PHLPP1: variants seen among roughly 807,000 people sequenced by gnomAD.
The protein encoded by PHLPP1 is PH domain leucine-rich repeat-containing protein phosphatase 1.
PHLPP1 carries 42 observed loss-of-function variants against 117.2 expected under a neutral mutation model. The observed-to-expected ratio is 0.36, with a 90% CI of 0.28 to 0.46. The LOEUF (loss-of-function observed/expected upper bound fraction) is 0.46. PHLPP1 is among the 20% of genes least tolerant of loss of function. The probability of loss-of-function intolerance (pLI) is 1.00; values close to 1 mark genes in which losing one functional copy is unlikely to be tolerated. For missense variants in PHLPP1, 2,084 were observed against 2,241.9 expected (o/e 0.93, Z 1.42); for synonymous variants, 1,042 against 970.7 (o/e 1.07, Z -1.37).
intron 1 of PHLPP1, among the ~76,000 whole-genome samples, chr18:62,822,771 A>G (rs1336141777): frequency 6.6e-6 from 1 of 152,210 alleles, no homozygotes. Context: ...GGTTTCACAA[A>G]TAATTTTAAA....
At chr18:62,782,375 T>C (rs538123332) in intron 1 of PHLPP1, among the ~76,000 whole-genome samples, 4 of 152,202 alleles carry the variant, frequency 2.6e-5, no homozygotes, top group Admixed American at 2.6e-4. Context: ...TGTAATAGTT[T>C]AACTCAATTG....
intron 1 of PHLPP1, among the ~76,000 whole-genome samples, chr18:62,790,240 C>A (rs1291697529): frequency 6.6e-6 from 1 of 152,132 alleles, no homozygotes; most frequent in Non-Finnish European, 1.5e-5. Flanking sequence ...GAAAAAAGAC[C>A]TCTAAGCAGC....
At chr18:62,931,666 A>C (rs1400592813) in intron 10 of PHLPP1, among the ~76,000 whole-genome samples, 1 of 151,758 alleles carries the variant, frequency 6.6e-6, no homozygotes, top group East Asian at 1.9e-4. Flanking sequence ...AGGCTGAGGC[A>C]GGTGGATCAT....
intron 1 of PHLPP1, among the ~76,000 whole-genome samples, chr18:62,785,049 T>C (rs994387837): frequency 2.0e-5 from 3 of 152,200 alleles, no homozygotes; most frequent in Admixed American, 1.3e-4. Flanking sequence ...TTGGTATGTT[T>C]TTCTGTTTGA....
intron 1 of PHLPP1, among the ~76,000 whole-genome samples, chr18:62,788,125 T>C (rs1188631775): frequency 6.6e-6 from 1 of 152,228 alleles, no homozygotes; most frequent in African/African-American, 2.4e-5. Flanking sequence ...TGTTTGAAGC[T>C]GTGGTCTCCT....
chr18:62,958,870 G>A (rs900922371), intron 13 of PHLPP1, 111 bp downstream of exon 13: 1 of 1,207,404 alleles, frequency 8.3e-7, no homozygotes, highest in Non-Finnish European at 1.2e-6. Flanking sequence ...TGTTAGCTGT[G>A]TTAACACACA....
intron 4 of PHLPP1, among the ~76,000 whole-genome samples, chr18:62,865,907 G>A (rs1214747569): frequency 1.3e-5 from 2 of 152,102 alleles, no homozygotes; most frequent in African/African-American, 4.8e-5. Flanking sequence ...AAGAAGGAGA[G>A]GATTAGGAAA....
At chr18:62,778,859 T>TTTGAGTCATTC (rs1257279776) in intron 1 of PHLPP1, among the ~76,000 whole-genome samples, 4 of 152,234 alleles carry the variant, frequency 2.6e-5, no homozygotes, top group Non-Finnish European at 5.9e-5. Flanking sequence ...CTTTAGCATA[T>TTTGAGTCATTC]TTGCTCATAT....
intron 1 of PHLPP1, among the ~76,000 whole-genome samples, chr18:62,749,151 T>G (rs538704698): frequency 1.1e-4 from 17 of 152,232 alleles, no homozygotes; most frequent in South Asian, 6.2e-4. Flanking sequence ...CCTGAAATTT[T>G]ACATAATTAT....
chr18:62,768,991 A>G (rs1196275885), intron 1 of PHLPP1, among the ~76,000 whole-genome samples: 1 of 152,220 alleles, frequency 6.6e-6, no homozygotes, highest in African/African-American at 2.4e-5. Context: ...CTCATTGATC[A>G]TCAAGGTTGA....
At chr18:62,791,197 T>A (rs1201238820) in intron 1 of PHLPP1, among the ~76,000 whole-genome samples, 1 of 152,110 alleles carries the variant, frequency 6.6e-6, no homozygotes, top group Non-Finnish European at 1.5e-5. Flanking sequence ...GTGGGATGAT[T>A]GGATTTTCTT....
intron 13 of PHLPP1, 46 bp from the exon 14 acceptor site, chr18:62,963,322 C>A: frequency 7.7e-7 from 1 of 1,297,102 alleles, no homozygotes; most frequent in African/African-American, 1.5e-5. Context: ...AATTTGCACA[C>A]ATTTGGTTTT....
intron 1 of PHLPP1, among the ~76,000 whole-genome samples, chr18:62,773,944 C>T (rs1912874056): frequency 6.6e-6 from 1 of 152,162 alleles, no homozygotes; most frequent in African/African-American, 2.4e-5. Flanking sequence ...CAAGGCAGCT[C>T]TCTGGGGCTG....
intron 1 of PHLPP1, among the ~76,000 whole-genome samples, chr18:62,794,741 C>T (rs1913574378): frequency 6.6e-6 from 1 of 152,080 alleles, no homozygotes. Context: ...ACAAATGACT[C>T]AGTTTGTATT....
At chr18:62,842,711 A>G (rs764165671) in intron 3 of PHLPP1, among the ~76,000 whole-genome samples, 3 of 152,198 alleles carry the variant, frequency 2.0e-5, no homozygotes, top group Non-Finnish European at 4.4e-5. Context: ...CTCCAATTTT[A>G]AAAACCAGAT....
chr18:62,767,614 A>G (rs534254197), intron 1 of PHLPP1, among the ~76,000 whole-genome samples: 1 of 152,356 alleles, frequency 6.6e-6, no homozygotes, highest in South Asian at 2.1e-4. Context: ...GTAATGACTC[A>G]TAAGAATTAC....
chr18:62,892,036 A>G (rs1041328207), intron 4 of PHLPP1, among the ~76,000 whole-genome samples: 1 of 150,506 alleles, frequency 6.6e-6, no homozygotes, highest in Admixed American at 6.6e-5. Flanking sequence ...TAGTAAGAAA[A>G]GTGTCATTGT....
intron 1 of PHLPP1, among the ~76,000 whole-genome samples, chr18:62,748,362 A>C (rs994664088): frequency 1.3e-5 from 2 of 151,410 alleles, no homozygotes; most frequent in African/African-American, 4.9e-5. Flanking sequence ...CTCCCACCTC[A>C]GCCTCCTGAG....
chr18:62,782,403 G>A (rs1869427461), intron 1 of PHLPP1, among the ~76,000 whole-genome samples: 1 of 152,206 alleles, frequency 6.6e-6, no homozygotes, highest in South Asian at 2.1e-4. Flanking sequence ...TAATTGGGTG[G>A]AATAATTCAG....
Sources: gnomAD v4.1 joint callset for allele counts (sites outside exome capture counted in the v4.1 genomes callset) on GRCh38, gnomAD v4.1.1 for gene constraint, MANE v1.5 for transcripts, NCBI Gene and HGNC (gene_info 2026-07-23, HGNC 2026-07-21) for gene names.